EIF3D: variants seen among roughly 807,000 people sequenced by gnomAD.
EIF3D encodes the protein eukaryotic translation initiation factor 3 subunit D, also known as eIF3 p66.
Under a neutral mutation model 75.4 loss-of-function variants are expected in EIF3D, and 10 were observed. That is an observed-to-expected ratio of 0.13 (90% CI 0.08 to 0.22). EIF3D has a LOEUF of 0.22. Ranked by LOEUF, EIF3D falls within the 10% of genes least tolerant of loss-of-function variation. The pLI, the probability that EIF3D is intolerant of heterozygous loss-of-function variation, is 1.00. For synonymous variants in EIF3D, 246 were observed against 248.3 expected, an observed-to-expected ratio of 0.99 and a Z score of 0.09; for missense variants, 394 against 708.0, an observed-to-expected ratio of 0.56 and a Z score of 5.03.
chr22:36,527,736 G>C (rs913953844), intron 1 of EIF3D, among the ~76,000 whole-genome samples: 6 of 152,182 alleles, frequency 3.9e-5, no homozygotes, highest in Non-Finnish European at 5.9e-5. Context: ...CTACTCAGGA[G>C]GCGGAGGTTG....
chr22:36,512,469 A>G lies in EIF3D; in HGVS notation c.1340T>C (p.Leu447Pro). 1 of 1,614,154 alleles carries G rather than the reference A, an allele frequency of 6.2e-7. No homozygotes were observed. Among genetic ancestry groups the G allele is most frequent in the Non-Finnish European group, 8.5e-7 (1 of 1,180,002 alleles). ...CCALLAGSEYLKLGYVSRYHV... is the reference protein window; with the variant it reads ...CCALLAGSEYPKLGYVSRYHV... ...TGCACAGGAATCTCACCCAAGCTTG[A>G]GGTACTCAGATCCAGCCAGCAAAGC... Residue 447 changes from leucine (L) to proline (P), a missense_variant, in exon 13 of 15, where the codon CTC (leucine) becomes CCC (proline). Coordinates refer to ENST00000216190, the MANE Select transcript of EIF3D (RefSeq NM_003753.4).
At chr22:36,513,985 G>A (rs1178092464) in intron 12 of EIF3D, among the ~76,000 whole-genome samples, 3 of 152,184 alleles carry the variant, frequency 2.0e-5, no homozygotes, top group East Asian at 1.9e-4. Context: ...GGAGACAAAT[G>A]TCAAACAGGC....
chr22:36,520,054 C>T (rs940237391), intron 7 of EIF3D, among the ~76,000 whole-genome samples: 2 of 152,190 alleles, frequency 1.3e-5, no homozygotes, highest in East Asian at 1.9e-4. Flanking sequence ...TCTGCTTTCT[C>T]TTTCTGCCAA....
rs1243511169 is a variant in EIF3D at position 36,512,729 on chromosome 22, T to C, written c.1207-127A>G. 4 of 1,094,826 alleles carry C rather than the reference T, an allele frequency of 3.7e-6. No individual in the cohort carries two copies. The East Asian group carries it at 1.1e-4, about 29-fold the overall frequency. The allele number at this position is 1,094,826 out of a possible 1,614,324, so 67.8% of individuals were successfully genotyped here. A position where few individuals can be genotyped will look rare whatever the true frequency, so the allele number is the denominator to read the frequency against. ...AAAGTGGGTAGGTACGCACTAAATCTTACCATTTAAGAGACAAAGACATAG... is the reference window on the plus strand; with the variant it reads ...AAAGTGGGTAGGTACGCACTAAATCCTACCATTTAAGAGACAAAGACATAG... On this transcript the variant is annotated intron_variant, in intron 12 of 14. Coordinates refer to ENST00000216190, the MANE Select transcript of EIF3D (RefSeq NM_003753.4).
intron 2 of EIF3D, 75 bp from the exon 3 acceptor site, chr22:36,525,784 C>G: frequency 1.9e-6 from 3 of 1,565,426 alleles, no homozygotes; most frequent in Non-Finnish European, 1.7e-6. Context: ...AATCCCTGAG[C>G]GCGAGAGGAC....
intron 10 of EIF3D, 80 bp from the exon 11 acceptor site, chr22:36,516,870 G>A (rs1934436359): frequency 7.5e-7 from 1 of 1,331,056 alleles, no homozygotes; most frequent in South Asian, 1.2e-5. Flanking sequence ...CAGCACCTCT[G>A]CTTAGTTGCA....
At chr22:36,513,966 A>C (rs1376516560) in intron 12 of EIF3D, among the ~76,000 whole-genome samples, 2 of 152,246 alleles carry the variant, frequency 1.3e-5, no homozygotes, top group Non-Finnish European at 2.9e-5. Flanking sequence ...GAGGTAGAGA[A>C]ATCAGTTAGG....
At position 36,524,632 on chromosome 22, in the gene EIF3D, C is replaced by G; in HGVS notation, c.270G>C (p.Lys90Asn). 1 of 1,614,198 alleles carries G rather than the reference C, an allele frequency of 6.2e-7. No homozygotes were observed. Among genetic ancestry groups the G allele is most frequent in the Non-Finnish European group, 8.5e-7 (1 of 1,180,052 alleles). Reference sequence around the variant, plus strand: ...TCATTCGATTCCGCTGGTAGGCCGTCTTCTGTGTGCGCGCTGTATCCACCA... The same window carrying G: ...TCATTCGATTCCGCTGGTAGGCCGTGTTCTGTGTGCGCGCTGTATCCACCA... The part of the protein sequence containing the change: ...FQLVDTARTQ[K>N]TAYQRNRMRF... Residue 90 changes from lysine (K) to asparagine (N), a missense_variant, in exon 4 of 15, where the codon AAG (lysine) becomes AAC (asparagine). By Grantham distance (94) the Lys-to-Asn change is moderately conservative (BLOSUM62 0). Transcript: ENST00000216190.
In EIF3D at chr22:36,516,617, A is replaced by T. The variant is rs1258127990; in HGVS notation, c.1077-10T>A. The T allele has an allele frequency of 6.2e-7, 1 of 1,613,832 alleles. No homozygotes were observed. Among genetic ancestry groups the T allele is most frequent in the African/African-American group, 1.3e-5 (1 of 74,914 alleles). ...CTTCCACCTGCGGTAACTGCAGCAAAAAAGAAACTCATGTGGTCACTGGGG... is the reference window on the plus strand; with the variant it reads ...CTTCCACCTGCGGTAACTGCAGCAATAAAGAAACTCATGTGGTCACTGGGG... On this transcript the variant is annotated splice_polypyrimidine_tract_variant and intron_variant, in intron 11 of 14. Coordinates refer to ENST00000216190, the MANE Select transcript of EIF3D (RefSeq NM_003753.4).
chr22:36,512,726 A>C (rs866068957), intron 12 of EIF3D, 124 bp from the exon 13 acceptor site: 1 of 1,103,294 alleles, frequency 9.1e-7, no homozygotes, highest in South Asian at 1.6e-5. Context: ...TACGCACTAA[A>C]TCTTACCATT....
Position 36,526,142 on chromosome 22 carries a change from T to TA in EIF3D, c.-10-12dup, listed in dbSNP as rs771949297. The stretch of plus-strand genomic sequence containing the variant: ...GCCATCTTCCAAAATCTGAAAAATA[T>TA]AAATCATGTGAGTAGCGGCATGAAC... On this transcript the variant is annotated splice_polypyrimidine_tract_variant and intron_variant, in intron 1 of 14. Transcript: ENST00000216190. 79 of 1,595,204 alleles carry TA rather than the reference T, an allele frequency of 5.0e-5. No individual in the cohort carries two copies. In the African/African-American group the frequency reaches 1.0e-3, roughly 21 times the overall value.
At chr22:36,520,860 C>A (rs1317826872) in intron 6 of EIF3D, among the ~76,000 whole-genome samples, 172 bp from the exon 7 acceptor site, 1 of 152,138 alleles carries the variant, frequency 6.6e-6, no homozygotes, top group African/African-American at 2.4e-5. Context: ...TTTGAGGCTG[C>A]AGTGAGCTAT....
intron 3 of EIF3D, 46 bp from the exon 4 acceptor site, chr22:36,524,778 T>C (rs771701594): frequency 3.1e-6 from 5 of 1,613,522 alleles, no homozygotes; most frequent in Admixed American, 3.3e-5. Flanking sequence ...CCACAGACTT[T>C]ACCAGATATG....
Position 36,524,699 on chromosome 22 carries a change from T to C in EIF3D, c.203A>G (p.Gln68Arg), listed in dbSNP as rs1298824605. Residue 68 changes from glutamine (Q) to arginine (R), a missense_variant, in exon 4 of 15, where the codon CAA becomes CGA. Gln to Arg is a conservative substitution (Grantham distance 43). Coordinates refer to ENST00000216190, the MANE Select transcript of EIF3D (RefSeq NM_003753.4). Reference protein sequence around the residue: ...KYSSQFGGGSQYAYFHEEDES... With the variant: ...KYSSQFGGGSRYAYFHEEDES... ...ATCCTCCTCATGGAAATAAGCATAT[T>C]GACTTCCACCACCAAACTGAGAGGA... The C allele has an allele frequency of 6.2e-7, 1 of 1,614,106 alleles. No homozygotes were observed. The highest frequency in any genetic ancestry group is 8.5e-7 in the Non-Finnish European group (1 of 1,180,058).
chr22:36,511,887 A>G, intron 13 of EIF3D, 101 bp from the exon 14 acceptor site: 1 of 1,330,480 alleles, frequency 7.5e-7, no homozygotes, highest in Non-Finnish European at 9.8e-7. Context: ...GTCCACTGCT[A>G]TTTTTTCTTT....
intron 6 of EIF3D, among the ~76,000 whole-genome samples, chr22:36,522,323 C>G (rs1197253887): frequency 2.0e-5 from 3 of 152,056 alleles, no homozygotes; most frequent in African/African-American, 7.2e-5. Flanking sequence ...CCACTGCACT[C>G]CAGCCTGGGT....
intron 1 of EIF3D, 98 bp downstream of exon 1, chr22:36,528,978 G>A (rs1934654978): frequency 3.5e-6 from 1 of 287,480 alleles, no homozygotes; most frequent in Non-Finnish European, 6.4e-6. Flanking sequence ...CAGCAGGAAG[G>A]GACTAAGAGA....
At chr22:36,525,561 G>T in intron 3 of EIF3D, 103 bp downstream of exon 3, 1 of 1,253,340 alleles carries the variant, frequency 8.0e-7, no homozygotes, top group South Asian at 1.3e-5. Flanking sequence ...ATTATTGTTG[G>T]CAGTTTCTTC....
At chr22:36,515,410 C>T (rs1430212195) in intron 12 of EIF3D, among the ~76,000 whole-genome samples, 2 of 152,142 alleles carry the variant, frequency 1.3e-5, no homozygotes, top group African/African-American at 4.8e-5. Flanking sequence ...TGCCTATAAT[C>T]CTAGCTACTC....
Sources: allele counts gnomAD v4.1 joint callset (sites outside exome capture counted in the v4.1 genomes callset), GRCh38; gene constraint gnomAD v4.1.1; transcripts MANE v1.5; gene names NCBI Gene and HGNC (gene_info 2026-07-23, HGNC 2026-07-21).